Variants in SMOC2 observed in about 807,000 individuals in gnomAD.
SMOC2 encodes SPARC-related modular calcium-binding protein 2.
SMOC2 carries 39 observed loss-of-function variants against 61.4 expected under a neutral mutation model. The observed-to-expected ratio is 0.64, with a 90% CI of 0.49 to 0.83. The LOEUF is 0.83. Ranked by LOEUF, SMOC2 falls within the 40% of genes least tolerant of loss-of-function variation. SMOC2 has a pLI of 0.00. For missense variants in SMOC2, 556 were observed against 592.9 expected, an observed-to-expected ratio of 0.94 and a Z score of 0.65; for synonymous variants, 247 against 239.9, an observed-to-expected ratio of 1.03 and a Z score of -0.27.
chr6:168,549,192 A>G lies in SMOC2; in HGVS notation c.626A>G (p.Asn209Ser), dbSNP rs186504332. ...GTTAAAAGTCGGCAGAACAAAACCA[A>G]TAAGAATTCAGGTAAGATGCTGCCT... ...EQVKSRQNKT[N>S]KNSVSSCDQE... is the part of the protein sequence containing the mutation. The change falls in exon 7 of 13, where the codon AAT becomes AGT. Residue 209 changes from asparagine to serine, a missense_variant. Physicochemically the swap from Asn to Ser is conservative, Grantham distance 46. Coordinates refer to ENST00000356284, the MANE Select transcript of SMOC2 (RefSeq NM_001166412.2). 19 of 1,614,078 alleles carry G rather than the reference A, an allele frequency of 1.2e-5. No homozygotes were observed. The highest frequency in any genetic ancestry group is 1.7e-5 in the Admixed American group (1 of 60,028).
chr6:168,563,978 G>C (rs1199816548), intron 7 of SMOC2, among the ~76,000 whole-genome samples: 1 of 152,158 alleles, frequency 6.6e-6, no homozygotes, highest in Non-Finnish European at 1.5e-5. Context: ...GCACACCCTG[G>C]AGTAGAACCT....
At chr6:168,538,717 T>TG (rs1783806206) in intron 4 of SMOC2, among the ~76,000 whole-genome samples, 1 of 69,836 alleles carries the variant, frequency 1.4e-5, no homozygotes, top group African/African-American at 6.2e-5. Context: ...TGAGGGGGAG[T>TG]GGGGTGACCG....
intron 7 of SMOC2, among the ~76,000 whole-genome samples, chr6:168,559,454 C>CA (rs965938278): frequency 2.9e-5 from 4 of 136,856 alleles, no homozygotes; most frequent in Admixed American, 1.5e-4. Context: ...GACTCTGTCT[C>CA]AAAAAAATAA....
chr6:168,552,276 C>A (rs1052607121), intron 7 of SMOC2, among the ~76,000 whole-genome samples: 4 of 152,222 alleles, frequency 2.6e-5, no homozygotes, highest in African/African-American at 9.6e-5. Context: ...AGAAGAGTGT[C>A]ATTTATACTT....
chr6:168,519,920 G>A (rs1783289052), intron 2 of SMOC2, among the ~76,000 whole-genome samples: 1 of 152,192 alleles, frequency 6.6e-6, no homozygotes. Flanking sequence ...GGCAATCTCA[G>A]TTACATATTT....
intron 7 of SMOC2, among the ~76,000 whole-genome samples, chr6:168,595,169 GCTC>G (rs146380950): frequency 1.2e-4 from 16 of 136,836 alleles, no homozygotes; most frequent in African/African-American, 3.9e-4. Flanking sequence ...GGATCGCCGA[GCTC>G]CTCCTCCTTC....
chr6:168,489,703 C>A (rs563020954), intron 1 of SMOC2, among the ~76,000 whole-genome samples: 16 of 150,890 alleles, frequency 1.1e-4, no homozygotes, highest in African/African-American at 3.9e-4. Context: ...TATATCAAAT[C>A]GTCTGGGTCC....
At chr6:168,588,241 G>C (rs1023353039) in intron 7 of SMOC2, among the ~76,000 whole-genome samples, 4 of 151,272 alleles carry the variant, frequency 2.6e-5, no homozygotes, top group Non-Finnish European at 4.4e-5. Context: ...CTCCTGTCTC[G>C]GCCCCCTGAG....
intron 8 of SMOC2, among the ~76,000 whole-genome samples, chr6:168,604,145 G>A (rs542370319): frequency 2.6e-5 from 4 of 152,232 alleles, no homozygotes; most frequent in South Asian, 4.2e-4. Flanking sequence ...TTCCCCTCTT[G>A]GTCACAGGAT....
At chr6:168,605,557 A>G (rs1445060732) in intron 8 of SMOC2, among the ~76,000 whole-genome samples, 1 of 152,156 alleles carries the variant, frequency 6.6e-6, no homozygotes, top group Non-Finnish European at 1.5e-5. Flanking sequence ...CAAGCAGAAT[A>G]CTGTCATGTA....
intron 10 of SMOC2, among the ~76,000 whole-genome samples, chr6:168,652,377 G>GCA (rs1744156482): frequency 6.6e-6 from 1 of 152,026 alleles, no homozygotes; most frequent in African/African-American, 2.4e-5. Context: ...CATCCCATGC[G>GCA]CACACACACA....
intron 1 of SMOC2, among the ~76,000 whole-genome samples, chr6:168,442,294 T>C (rs1425935232): frequency 6.6e-6 from 1 of 152,222 alleles, no homozygotes. Flanking sequence ...CTTTCTGAGC[T>C]GTAACTTCTA....
Position 168,666,748 on chromosome 6 carries a change from T to G in SMOC2, c.*310T>G, listed in dbSNP as rs1583199978. ...TCCACATGTTAACAGTAGAGCTCTA[T>G]GCACTCCGGCTGCAATCGTATGGCT... is the stretch of plus-strand genomic sequence containing the variant. On this transcript the variant is annotated 3_prime_UTR_variant, in exon 13 of 13. Transcript: ENST00000356284. 2.8e-6 allele frequency: 1 copy of G among 357,366 alleles called. No individual in the cohort carries two copies. The allele number at this position is 357,366 out of a possible 1,614,324, so 22.1% of individuals were successfully genotyped here.
In SMOC2 at chr6:168,475,688, G is replaced by A. The variant is rs1332757975; in HGVS notation, c.85-34227G>A. Among the ~76,000 whole-genome samples the A allele has an allele frequency of 2.0e-5, 3 of 152,152 alleles. No homozygotes were observed. The highest frequency in any genetic ancestry group is 6.5e-5 in the Admixed American group (1 of 15,288). On this transcript the variant is annotated intron_variant, in intron 1 of 12. Coordinates refer to ENST00000356284, the MANE Select transcript of SMOC2 (RefSeq NM_001166412.2). The surrounding 1 kb of genome is among the most constrained non-coding windows in gnomAD (Gnocchi z 4.6). ...TCCCACGCGTCTGTGGCCCAGGGAGGCCACGTGTGAGACCTGGTGTGGGTC... is the reference window on the plus strand; with the variant it reads ...TCCCACGCGTCTGTGGCCCAGGGAGACCACGTGTGAGACCTGGTGTGGGTC...
At position 168,535,699 on chromosome 6, in the gene SMOC2, T is replaced by C. The variant is rs1038003997; in HGVS notation, c.464-7926T>C. On this transcript the variant is annotated intron_variant, in intron 4 of 12. Transcript: ENST00000356284. The surrounding 1 kb of genome is among the most constrained non-coding windows in gnomAD (Gnocchi z 4.6). Reference sequence around the variant, plus strand: ...CAAAAACAAATGGATTGCATTTGGTTTCTTCATCCACAGAAACACCGAAGT... The same window carrying C: ...CAAAAACAAATGGATTGCATTTGGTCTCTTCATCCACAGAAACACCGAAGT... Among the ~76,000 whole-genome samples the C allele has an allele frequency of 6.6e-6, 1 of 152,186 alleles. No individual in the cohort carries two copies. Among genetic ancestry groups the C allele is most frequent in the African/African-American group, 2.4e-5 (1 of 41,460 alleles).
chr6:168,626,636 G>A (rs898321121), intron 9 of SMOC2, among the ~76,000 whole-genome samples: 42 of 152,306 alleles, frequency 2.8e-4, no homozygotes, highest in Admixed American at 2.7e-3. Context: ...TCACCCAAAG[G>A]AAGGGCTATA....
chr6:168,505,731 TA>T (rs1160777077), intron 1 of SMOC2, among the ~76,000 whole-genome samples: 2 of 152,252 alleles, frequency 1.3e-5, no homozygotes, highest in South Asian at 4.1e-4. Context: ...TTCTGTGTTC[TA>T]AAAGAGTAGG....
At chr6:168,542,920 G>C (rs1312488416) in intron 4 of SMOC2, among the ~76,000 whole-genome samples, 1 of 152,122 alleles carries the variant, frequency 6.6e-6, no homozygotes, top group African/African-American at 2.4e-5. Context: ...GTTTTACTGG[G>C]CATGTGTATG....
intron 7 of SMOC2, among the ~76,000 whole-genome samples, chr6:168,581,140 C>A (rs56143177): frequency 0.24 from 36,518 of 152,080 alleles, 4,643 homozygotes; most frequent in Middle Eastern, 0.41. Flanking sequence ...CCCCTGCCCC[C>A]ACACCTGGTC....
Sources: gnomAD v4.1 joint callset for allele counts (sites outside exome capture counted in the v4.1 genomes callset) on GRCh38, gnomAD v4.1.1 for gene constraint, Gnocchi (gnomAD v3.1) non-coding constraint, MANE v1.5 for transcripts, NCBI Gene and HGNC (gene_info 2026-07-23, HGNC 2026-07-21) for gene names.